Variants in INPP5B observed in about 807,000 individuals in gnomAD.
INPP5B encodes type II inositol 1,4,5-trisphosphate 5-phosphatase.
In INPP5B, 90 loss-of-function variants were observed where a neutral mutation model predicts 118.5. That is an observed-to-expected ratio of 0.76 (90% CI 0.64 to 0.90). The LOEUF (loss-of-function observed/expected upper bound fraction) is 0.90, where lower values mean the gene tolerates loss of function less well. Among genes scored for constraint, INPP5B ranks in the 40% least tolerant of loss-of-function variants. INPP5B has a pLI of 0.00. For synonymous variants in INPP5B, 385 were observed against 418.9 expected (o/e 0.92, Z 0.99); for missense variants, 984 against 1,125.6 (o/e 0.87, Z 1.80).
intron 7 of INPP5B, among the ~76,000 whole-genome samples, chr1:37,915,178 C>T (rs911685599): frequency 3.3e-5 from 5 of 152,164 alleles, no homozygotes; most frequent in Admixed American, 1.3e-4. Flanking sequence ...CCTTCCTCAG[C>T]CCAAGCAGCA....
chr1:37,917,315 T>C (rs1218289992), intron 7 of INPP5B, among the ~76,000 whole-genome samples: 2 of 16,466 alleles, frequency 1.2e-4, no homozygotes, highest in East Asian at 2.9e-3. Flanking sequence ...TAATTATATA[T>C]ATATATATAT....
At chr1:37,891,284 T>C in intron 8 of INPP5B, 74 bp downstream of exon 8, 1 of 1,016,384 alleles carries the variant, frequency 9.8e-7, no homozygotes. Flanking sequence ...ACTTACATTA[T>C]ACCCAAAATG....
At chr1:37,916,510 C>T (rs763881445) in intron 7 of INPP5B, among the ~76,000 whole-genome samples, 5 of 151,540 alleles carry the variant, frequency 3.3e-5, no homozygotes, top group Non-Finnish European at 5.9e-5. Flanking sequence ...TCTGCCTCCC[C>T]GGTTCAAGCG....
intron 7 of INPP5B, among the ~76,000 whole-genome samples, chr1:37,900,966 C>T (rs908824864): frequency 3.3e-5 from 5 of 152,214 alleles, no homozygotes; most frequent in African/African-American, 9.6e-5. Flanking sequence ...CATGCGCCAC[C>T]ACACACAGCT....
intron 7 of INPP5B, among the ~76,000 whole-genome samples, chr1:37,892,268 GAGA>G (rs1025099615): frequency 6.6e-6 from 1 of 152,178 alleles, no homozygotes. Flanking sequence ...CTCTGAAGAG[GAGA>G]AAGGCAAGGG....
chr1:37,897,903 T>A (rs535963171), intron 7 of INPP5B, among the ~76,000 whole-genome samples: 12 of 152,174 alleles, frequency 7.9e-5, no homozygotes, highest in African/African-American at 2.9e-4. Flanking sequence ...GTCACTGCAC[T>A]CCAGCCTGGG....
At chr1:37,937,629 T>C (rs975310773) in intron 6 of INPP5B, among the ~76,000 whole-genome samples, 1 of 152,010 alleles carries the variant, frequency 6.6e-6, no homozygotes, top group Non-Finnish European at 1.5e-5. Context: ...TAGCCAGGCA[T>C]GGTGGCATGC....
intron 6 of INPP5B, 108 bp from the exon 7 acceptor site, chr1:37,932,161 G>C (rs532914460): frequency 1.7e-5 from 15 of 900,068 alleles, no homozygotes; most frequent in Admixed American, 3.9e-5. Flanking sequence ...GCGCACAGAA[G>C]GGTTCTGTGC....
intron 11 of INPP5B, 79 bp from the exon 12 acceptor site, chr1:37,887,083 G>T: frequency 8.4e-7 from 1 of 1,193,668 alleles, no homozygotes; most frequent in Non-Finnish European, 1.2e-6. Context: ...TCTGGAAGCT[G>T]GCTGAGAGTA....
intron 7 of INPP5B, chr1:37,929,487 A>C (rs1645365944): frequency 6.6e-6 from 1 of 152,042 alleles, no homozygotes; most frequent in Non-Finnish European, 1.5e-5. Context: ...TATTTTGATC[A>C]TATGCATATA....
intron 4 of INPP5B, 21 bp downstream of exon 4, chr1:37,943,775 C>A: frequency 6.2e-7 from 1 of 1,612,626 alleles, no homozygotes; most frequent in Non-Finnish European, 8.5e-7. Context: ...AGGATTCATA[C>A]CACCCAGCCC....
intron 7 of INPP5B, among the ~76,000 whole-genome samples, chr1:37,909,121 A>C (rs1270692703): frequency 6.6e-6 from 1 of 152,132 alleles, no homozygotes; most frequent in Non-Finnish European, 1.5e-5. Context: ...CTTGTCATAA[A>C]ATGGGCAAAT....
chr1:37,936,300 C>G (rs982797286), intron 6 of INPP5B, among the ~76,000 whole-genome samples: 1 of 151,972 alleles, frequency 6.6e-6, no homozygotes, highest in Admixed American at 6.6e-5. Flanking sequence ...GGGAAAAACT[C>G]TTCTTCATCC....
chr1:37,930,428 T>C (rs1226532747), intron 7 of INPP5B: 1 of 152,256 alleles, frequency 6.6e-6, no homozygotes, highest in Non-Finnish European at 1.5e-5. Context: ...GGCCTGGCTC[T>C]GGTGTACTGG....
chr1:37,921,838 C>T (rs112980689), intron 7 of INPP5B, among the ~76,000 whole-genome samples: 1 of 151,886 alleles, frequency 6.6e-6, no homozygotes, highest in African/African-American at 2.4e-5. Flanking sequence ...AGCAAAACTC[C>T]GTCTCTACTA....
In INPP5B at chr1:37,874,064, T is replaced by A; in HGVS notation, c.1880A>T (p.Asn627Ile). Residue 627 changes from asparagine to isoleucine, a missense_variant, in exon 18 of 24, where the codon AAC (asparagine) becomes ATC (isoleucine). By Grantham distance (149) the Asn-to-Ile change is moderately radical. This residue lies in a region of INPP5B where 634 missense variants were observed against 791.0 expected (regional missense o/e 0.80). Transcript: ENST00000373024. Reference protein sequence around the residue: ...GQVPCHFEFINKPDEESYCKQ... With the variant: ...GQVPCHFEFIIKPDEESYCKQ... Reference sequence around the variant, plus strand: ...ACAGTAAGACTCTTCATCAGGCTTGTTGATGAATTCAAAATGACAGGGTAC... The same window carrying A: ...ACAGTAAGACTCTTCATCAGGCTTGATGATGAATTCAAAATGACAGGGTAC... 6.2e-7 allele frequency: 1 copy of A among 1,608,206 alleles called. No homozygotes were observed.
At chr1:37,896,437 C>T (rs1284057161) in intron 7 of INPP5B, among the ~76,000 whole-genome samples, 1,829 of 89,336 alleles carry the variant, frequency 0.02, no homozygotes, top group African/African-American at 0.023. Flanking sequence ...GGTCAGCCCC[C>T]CGCCCGGCCA....
chr1:37,927,961 C>G (rs1434904115), intron 7 of INPP5B, among the ~76,000 whole-genome samples: 1 of 152,166 alleles, frequency 6.6e-6, no homozygotes, highest in Non-Finnish European at 1.5e-5. Flanking sequence ...TCTATTAATG[C>G]AAAGGCAAAG....
At chr1:37,944,816 G>A (rs553944869) in intron 3 of INPP5B, among the ~76,000 whole-genome samples, 28 of 151,822 alleles carry the variant, frequency 1.8e-4, no homozygotes, top group South Asian at 8.3e-4. Context: ...GGGCGGTCTC[G>A]CTATGTTGCC....
Sources: gnomAD v4.1 joint callset for allele counts (sites outside exome capture counted in the v4.1 genomes callset) on GRCh38, gnomAD v4.1.1 for gene constraint, gnomAD v4.1.1 regional missense constraint, MANE v1.5 for transcripts, NCBI Gene and HGNC (gene_info 2026-07-23, HGNC 2026-07-21) for gene names.